The following CDH12 variants were observed in gnomAD, a reference collection of about 807,000 sequenced individuals.
CDH12 encodes the protein cadherin-12.
In CDH12, 41 loss-of-function variants were observed where a neutral mutation model predicts 74.1. The observed-to-expected ratio is 0.55, with a 90% CI of 0.43 to 0.72. CDH12 has a LOEUF of 0.72. Among genes scored for constraint, CDH12 ranks in the 30% least tolerant of loss-of-function variants. The pLI is 0.00. For synonymous variants in CDH12, 399 were observed against 355.0 expected (o/e 1.12, Z -1.39); for missense variants, 945 against 977.2 (o/e 0.97, Z 0.44).
intron 2 of CDH12, among the ~76,000 whole-genome samples, chr5:22,492,919 T>C (rs1472119668): frequency 1.3e-5 from 2 of 152,066 alleles, no homozygotes; most frequent in African/African-American, 4.8e-5. Context: ...AGATCCAAAC[T>C]CCTCATCATA....
chr5:22,174,939 G>A lies in CDH12; in HGVS notation c.-187+37559C>T, dbSNP rs115856587. Among the ~76,000 whole-genome samples the A allele has an allele frequency of 5.2e-3, 787 of 151,756 alleles. 7 individuals are homozygous for A. Among genetic ancestry groups the A allele is most frequent in the African/African-American group, 0.018 (750 of 41,442 alleles). ...ATAAGACACTAACAACCATCTCAAGGCTCTAATGACTCTATATTATTTATT... is the reference window on the plus strand; with the variant it reads ...ATAAGACACTAACAACCATCTCAAGACTCTAATGACTCTATATTATTTATT... On this transcript the variant is annotated intron_variant, in intron 4 of 14. Transcript: ENST00000382254.
intron 3 of CDH12, among the ~76,000 whole-genome samples, chr5:22,388,175 T>C (rs1272208186): frequency 1.3e-5 from 2 of 152,128 alleles, no homozygotes; most frequent in African/African-American, 4.8e-5. Flanking sequence ...GTGAGTCCTT[T>C]GGATTGGTGG....
chr5:22,724,078 G>A (rs1192517878), intron 1 of CDH12, among the ~76,000 whole-genome samples: 1 of 151,592 alleles, frequency 6.6e-6, no homozygotes, highest in African/African-American at 2.4e-5. Flanking sequence ...TGCAAAAGAT[G>A]GGCTGTCAAC....
intron 3 of CDH12, among the ~76,000 whole-genome samples, chr5:22,325,246 T>TA (rs1739036652): frequency 1.3e-5 from 2 of 152,144 alleles, no homozygotes; most frequent in Non-Finnish European, 2.9e-5. Flanking sequence ...TTGATTACAC[T>TA]AAAATCTATA....
chr5:22,647,740 G>GC (rs1739519767), intron 1 of CDH12, among the ~76,000 whole-genome samples: 1 of 151,784 alleles, frequency 6.6e-6, no homozygotes, highest in Non-Finnish European at 1.5e-5. Context: ...GGACACAATA[G>GC]CAAGTTCCTA....
intron 4 of CDH12, among the ~76,000 whole-genome samples, chr5:22,111,378 T>C (rs933776210): frequency 3.3e-5 from 5 of 152,200 alleles, no homozygotes; most frequent in Non-Finnish European, 5.9e-5. Context: ...GCATGGATTA[T>C]ATGTAGCTGC....
At chr5:22,058,563 G>T (rs919642002) in intron 5 of CDH12, among the ~76,000 whole-genome samples, 1 of 149,990 alleles carries the variant, frequency 6.7e-6, no homozygotes, top group Non-Finnish European at 1.5e-5. Flanking sequence ...ATTACCGCGG[G>T]TTTTTTTTTA....
intron 10 of CDH12, among the ~76,000 whole-genome samples, chr5:21,792,505 AAAG>A (rs1436535848): frequency 1.3e-5 from 2 of 151,832 alleles, no homozygotes; most frequent in African/African-American, 2.4e-5. Flanking sequence ...ATAGATCTCT[AAAG>A]AAGAAGAAAT....
intron 3 of CDH12, among the ~76,000 whole-genome samples, chr5:22,236,952 T>C (rs977119455): frequency 3.0e-5 from 4 of 132,630 alleles, no homozygotes; most frequent in South Asian, 2.8e-4. Context: ...TTGAGGCTGT[T>C]TTATGGCTCT....
At chr5:21,790,932 C>A (rs1746460668) in intron 10 of CDH12, among the ~76,000 whole-genome samples, 1 of 152,034 alleles carries the variant, frequency 6.6e-6, no homozygotes, top group Non-Finnish European at 1.5e-5. Flanking sequence ...CTATTTCACA[C>A]AATGGTGCTT....
chr5:22,368,076 A>G (rs908151654), intron 3 of CDH12, among the ~76,000 whole-genome samples: 1 of 152,160 alleles, frequency 6.6e-6, no homozygotes, highest in Non-Finnish European at 1.5e-5. Context: ...TTCTATATCT[A>G]TAGACATATG....
intron 6 of CDH12, among the ~76,000 whole-genome samples, chr5:21,887,373 A>C (rs1436266136): frequency 6.6e-6 from 1 of 152,180 alleles, no homozygotes; most frequent in African/African-American, 2.4e-5. Context: ...AAGCTATAAC[A>C]AATTTAATAT....
chr5:22,620,601 T>G (rs1199815429), intron 1 of CDH12, among the ~76,000 whole-genome samples: 1 of 152,130 alleles, frequency 6.6e-6, no homozygotes, highest in Admixed American at 6.6e-5. Flanking sequence ...AGTTCATATA[T>G]TTCTTTCTTC....
chr5:22,021,358 A>C (rs1219106781), intron 5 of CDH12, among the ~76,000 whole-genome samples: 1 of 152,182 alleles, frequency 6.6e-6, no homozygotes, highest in Non-Finnish European at 1.5e-5. Flanking sequence ...GGGAAAGAAG[A>C]AAGGAGATAG....
intron 2 of CDH12, among the ~76,000 whole-genome samples, chr5:22,454,830 C>G (rs77351779): frequency 0.043 from 6,510 of 152,194 alleles, 251 homozygotes; most frequent in African/African-American, 0.11. Context: ...AACCTGGGAC[C>G]TAATGTAACC....
chr5:22,833,225 G>T (rs1278223268), intron 1 of CDH12, among the ~76,000 whole-genome samples: 1 of 152,134 alleles, frequency 6.6e-6, no homozygotes, highest in Admixed American at 6.6e-5. Context: ...TCTTTTCTAT[G>T]TTCTGACAAT....
chr5:22,661,365 C>G (rs1740338865), intron 1 of CDH12, among the ~76,000 whole-genome samples: 1 of 152,078 alleles, frequency 6.6e-6, no homozygotes, highest in Admixed American at 6.5e-5. Context: ...GTTTTGTTTT[C>G]TTTAAATAAT....
At chr5:22,119,001 T>C (rs1408335603) in intron 4 of CDH12, among the ~76,000 whole-genome samples, 3 of 152,088 alleles carry the variant, frequency 2.0e-5, no homozygotes, top group African/African-American at 7.2e-5. Flanking sequence ...GATAAGAAGA[T>C]AAACAATTTG....
At chr5:21,904,474 C>T (rs1326040624) in intron 6 of CDH12, among the ~76,000 whole-genome samples, 8 of 152,022 alleles carry the variant, frequency 5.3e-5, no homozygotes, top group African/African-American at 1.9e-4. Context: ...TTCTTTAAGA[C>T]TATAAAATTG....
Sources: allele counts gnomAD v4.1 joint callset (sites outside exome capture counted in the v4.1 genomes callset), GRCh38; gene constraint gnomAD v4.1.1; transcripts MANE v1.5; gene names NCBI Gene and HGNC (gene_info 2026-07-23, HGNC 2026-07-21).